The following ZNF132 variants were observed in gnomAD, a reference collection of about 807,000 sequenced individuals.
The protein encoded by ZNF132 is zinc finger protein 132, also known as zinc finger protein 132 (clone pHZ-12).
ZNF132 carries 6 observed loss-of-function variants against 9.3 expected under a neutral mutation model. That is an observed-to-expected ratio of 0.65 (90% confidence interval 0.35 to 1.28). The LOEUF is 1.28. ZNF132 is among the 50% of genes most tolerant of loss of function. The probability of loss-of-function intolerance (pLI) is 0.03; values close to 1 mark genes in which losing one functional copy is unlikely to be tolerated. For missense variants in ZNF132, 877 were observed against 843.2 expected (o/e 1.04, Z -0.50); for synonymous variants, 296 against 292.0 (o/e 1.01, Z -0.14).
rs781362335 is a variant in ZNF132 at position 58,433,478 on chromosome 19, C to G, written c.1966G>C (p.Glu656Gln). Residue 656 changes from glutamate (E) to glutamine (Q), a missense_variant, in exon 3 of 3, where the codon GAG becomes CAG. Glu to Gln is a conservative substitution (Grantham distance 29). Transcript: ENST00000254166. ...QRVHTQERPY[E>Q]CIQCGKAFSE... ...AAGGCTTTTCCACACTGGATGCACTCATAGGGCCTTTCTTGTGTGTGAACT... is the reference window on the plus strand; with the variant it reads ...AAGGCTTTTCCACACTGGATGCACTGATAGGGCCTTTCTTGTGTGTGAACT... 19 of 1,614,002 alleles carry G rather than the reference C, an allele frequency of 1.2e-5. No homozygotes were observed. Among genetic ancestry groups the G allele is most frequent in the Non-Finnish European group, 1.5e-5 (18 of 1,180,018 alleles).
At position 58,437,079 on chromosome 19, in the gene ZNF132, A is replaced by G; in HGVS notation, c.200T>C (p.Met67Thr). ...GGTCACAAGCTCAAGGTTTTCCAGC[A>G]TCACACTGTGGTACAGGTGCCTCTG... ...AAQRHLYHSV[M>T]LENLELVTSL... The change falls in exon 2 of 3, where the codon ATG becomes ACG. Residue 67 changes from methionine (M) to threonine (T), a missense_variant. By Grantham distance (81) the Met-to-Thr change is moderately conservative. Coordinates refer to ENST00000254166, the MANE Select transcript of ZNF132 (RefSeq NM_003433.4). 1 of 1,614,164 alleles carries G rather than the reference A, an allele frequency of 6.2e-7. No homozygotes were observed. Among genetic ancestry groups the G allele is most frequent in the Non-Finnish European group, 8.5e-7 (1 of 1,180,018 alleles).
Position 58,435,012 on chromosome 19 carries a change from A to C in ZNF132, c.432T>G (p.Cys144Trp). The part of the protein sequence containing the change: ...GTQSEEKPYT[C>W]GACGRDFWLN... ...ACCAAAAGTCTCTCCCACATGCTCC[A>C]CATGTGTAGGGTTTCTCCTCAGACT... Residue 144 changes from cysteine (C) to tryptophan (W), a missense_variant, in exon 3 of 3, where the codon TGT (cysteine) becomes TGG (tryptophan). By Grantham distance (215) the Cys-to-Trp change is radical. Coordinates refer to ENST00000254166, the MANE Select transcript of ZNF132 (RefSeq NM_003433.4). 1 of 1,614,166 alleles carries C rather than the reference A, an allele frequency of 6.2e-7. No individual in the cohort carries two copies. Among genetic ancestry groups the C allele is most frequent in the Non-Finnish European group, 8.5e-7 (1 of 1,180,024 alleles).
chr19:58,435,413 C>G (rs747162342), intron 2 of ZNF132: 3 of 582,154 alleles, frequency 5.2e-6, no homozygotes, highest in Non-Finnish European at 8.9e-6. Flanking sequence ...TAAGGGAGAC[C>G]TCACCAGGGG....
At position 58,439,930 on chromosome 19, in the gene ZNF132, C is replaced by T. The variant is rs1215371826; in HGVS notation, c.-109G>A. 2 of 1,168,152 alleles carry T rather than the reference C, an allele frequency of 1.7e-6. No individual in the cohort carries two copies. The highest frequency in any genetic ancestry group is 1.4e-5 in the South Asian group (1 of 69,782). The allele number at this position is 1,168,152 out of a possible 1,614,324, so 72.4% of individuals were successfully genotyped here. A position where few individuals can be genotyped will look rare whatever the true frequency, so the allele number is the denominator to read the frequency against. ...CCCAAATGCAAAATGCGCGCAAGGC[C>T]TCTGGGCACCGCAGGGACGAAGGCT... On this transcript the variant is annotated 5_prime_UTR_variant, in exon 1 of 3. Transcript: ENST00000254166.
chr19:58,433,500 A>C lies in ZNF132; in HGVS notation c.1944T>G (p.Val648=), dbSNP rs746609036. 1 of 1,614,072 alleles carries C rather than the reference A, an allele frequency of 6.2e-7. No individual in the cohort carries two copies. The highest frequency in any genetic ancestry group is 1.1e-5 in the South Asian group (1 of 91,078). ...ACTCATAGGGCCTTTCTTGTGTGTG[A>C]ACTCTCTGATGACGAACCAGGTGGG... ...SNSHLVRHQR[V]HTQERPYECI... The change falls in exon 3 of 3, where the codon GTT becomes GTG. Residue 648 remains valine, a synonymous_variant. Coordinates refer to ENST00000254166, the MANE Select transcript of ZNF132 (RefSeq NM_003433.4).
Position 58,433,804 on chromosome 19 carries a change from T to A in ZNF132, c.1640A>T (p.Glu547Val), listed in dbSNP as rs1203344855. The A allele has an allele frequency of 6.2e-7, 1 of 1,614,216 alleles. No homozygotes were observed. The highest frequency in any genetic ancestry group is 8.5e-7 in the Non-Finnish European group (1 of 1,180,030). Reference protein sequence around the residue: ...HTGEKPYECSECGKAFAHSST... With the variant: ...HTGEKPYECSVCGKAFAHSST... ...GCTGTGAGCAAAGGCTTTCCCACAC[T>A]CACTACACTCGTAAGGCTTTTCTCC... The change falls in exon 3 of 3, where the codon GAG (glutamate) becomes GTG (valine). Residue 547 changes from glutamate (E) to valine (V), a missense_variant. Physicochemically the swap from Glu to Val is moderately radical, Grantham distance 121 (BLOSUM62 -2). Coordinates refer to ENST00000254166, the MANE Select transcript of ZNF132 (RefSeq NM_003433.4).
chr19:58,439,678 CCAA>C, intron 1 of ZNF132, 78 bp downstream of exon 1: 1 of 1,417,640 alleles, frequency 7.1e-7, no homozygotes, highest in Non-Finnish European at 9.4e-7. Flanking sequence ...TCCCAGGACA[CCAA>C]CATCCCCTCT....
At position 58,435,122 on chromosome 19, in the gene ZNF132, G is replaced by T; in HGVS notation, c.322C>A (p.Pro108Thr). 6.2e-7 allele frequency: 1 copy of T among 1,614,120 alleles called. No individual in the cohort carries two copies. Among genetic ancestry groups the T allele is most frequent in the Non-Finnish European group, 8.5e-7 (1 of 1,180,028 alleles). Residue 108 changes from proline (P) to threonine (T), a missense_variant, in exon 3 of 3, where the codon CCT becomes ACT. Physicochemically the swap from Pro to Thr is conservative, Grantham distance 38. Transcript: ENST00000254166. ...CAGGAGTTAGCTTTCTTGGTGGAAG[G>T]ATCTGCATTAGGGATCCTGACCTGT... ...VLQVRIPNAD[P>T]STKKANSCDM...
At position 58,439,795 on chromosome 19, in the gene ZNF132, T is replaced by G; in HGVS notation, c.27A>C (p.Leu9=). The part of the protein sequence containing the change: MALPSPQV[L]MGLPALLMGP... ...CCATCAGCAACGCTGGCAACCCCAT[T>G]AGAACCTGTGGGCTGGGCAGGGCCA... Residue 9 remains leucine, a synonymous_variant, in exon 1 of 3, where the codon CTA becomes CTC. Transcript: ENST00000254166. 1.3e-6 allele frequency: 2 copies of G among 1,546,382 alleles called. No homozygotes were observed. Among genetic ancestry groups the G allele is most frequent in the Non-Finnish European group, 1.7e-6 (2 of 1,145,920 alleles).
chr19:58,438,802 G>A (rs1436122589), intron 1 of ZNF132, among the ~76,000 whole-genome samples: 6 of 144,042 alleles, frequency 4.2e-5, no homozygotes, highest in South Asian at 2.2e-4. Context: ...ACAGAGTCTC[G>A]CTCTGTCACT....
Position 58,433,507 on chromosome 19 carries a change from T to C in ZNF132, c.1937A>G (p.Gln646Arg), listed in dbSNP as rs770631463. Residue 646 changes from glutamine to arginine, a missense_variant, in exon 3 of 3, where the codon CAG becomes CGG. Physicochemically the swap from Gln to Arg is conservative, Grantham distance 43. Coordinates refer to ENST00000254166, the MANE Select transcript of ZNF132 (RefSeq NM_003433.4). ...GGGCCTTTCTTGTGTGTGAACTCTC[T>C]GATGACGAACCAGGTGGGAGTTACT... The part of the protein sequence containing the change: ...FSSNSHLVRH[Q>R]RVHTQERPYE... 31 of 1,613,992 alleles carry C rather than the reference T, an allele frequency of 1.9e-5. No homozygotes were observed. The Admixed American group carries it at 5.2e-4, about 27-fold the overall frequency.
rs558481863 is a variant in ZNF132 at position 58,434,573 on chromosome 19, G to C, written c.871C>G (p.His291Asp). 6.2e-7 allele frequency: 1 copy of C among 1,613,948 alleles called. No individual in the cohort carries two copies. Among genetic ancestry groups the C allele is most frequent in the Non-Finnish European group, 8.5e-7 (1 of 1,179,986 alleles). ...NKKFHTGEIP[H>D]VCKECGKAFS... ...GCCTTCCCACACTCCTTACACACAT[G>C]GGGTATTTCCCCAGTGTGAAACTTT... Residue 291 changes from histidine (H) to aspartate (D), a missense_variant, in exon 3 of 3, where the codon CAT becomes GAT. Transcript: ENST00000254166.
In ZNF132 at chr19:58,434,091, T is replaced by G; in HGVS notation, c.1353A>C (p.Lys451Asn). The change falls in exon 3 of 3, where the codon AAA (lysine) becomes AAC (asparagine). Residue 451 changes from lysine (K) to asparagine (N), a missense_variant. By Grantham distance (94) the Lys-to-Asn change is moderately conservative. Coordinates refer to ENST00000254166, the MANE Select transcript of ZNF132 (RefSeq NM_003433.4). ...NNNSNLAQHQ[K>N]VHTGERPFEC... The stretch of plus-strand genomic sequence containing the variant: ...CAAAAGGCCGTTCTCCGGTGTGAAC[T>G]TTCTGGTGCTGAGCAAGGTTGGAGT... The G allele has an allele frequency of 6.2e-7, 1 of 1,614,074 alleles. No individual in the cohort carries two copies. The highest frequency in any genetic ancestry group is 8.5e-7 in the Non-Finnish European group (1 of 1,180,008).
chr19:58,435,326 C>A (rs1185695272), intron 2 of ZNF132, 115 bp from the exon 3 acceptor site: 25 of 1,184,562 alleles, frequency 2.1e-5, no homozygotes, highest in Non-Finnish European at 2.9e-5. Context: ...GGATTGCTGA[C>A]AGGCCAACAG....
At chr19:58,438,454 C>G (rs2052784628) in intron 1 of ZNF132, among the ~76,000 whole-genome samples, 2 of 151,052 alleles carry the variant, frequency 1.3e-5, no homozygotes, top group South Asian at 4.2e-4. Flanking sequence ...ACTTCCACAT[C>G]TGAAAGATCT....
chr19:58,434,238 A>C lies in ZNF132; in HGVS notation c.1206T>G (p.Pro402=). ...RHQKVHTQVR[P]YECSQCGKSF... ...ATTTACCACATTGACTGCACTCATA[A>C]GGTCTTACCTGTGTGTGAACTTTCT... Residue 402 remains proline (P), a synonymous_variant, in exon 3 of 3, where the codon CCT becomes CCG. Coordinates refer to ENST00000254166, the MANE Select transcript of ZNF132 (RefSeq NM_003433.4). The C allele has an allele frequency of 6.2e-7, 1 of 1,614,088 alleles. No homozygotes were observed. Among genetic ancestry groups the C allele is most frequent in the Non-Finnish European group, 8.5e-7 (1 of 1,180,020 alleles).
rs1324409460 is a variant in ZNF132 at position 58,434,928 on chromosome 19, C to A, written c.516G>T (p.Trp172Cys). 6.2e-7 allele frequency: 1 copy of A among 1,613,976 alleles called. No homozygotes were observed. Among genetic ancestry groups the A allele is most frequent in the Admixed American group, 1.7e-5 (1 of 60,006 alleles). Reference sequence around the variant, plus strand: ...TCATAAGTGCGTCCCTGTCCTTGTACCATCTAAAGGGCTTCCCTCCACTGT... The same window carrying A: ...TCATAAGTGCGTCCCTGTCCTTGTAACATCTAAAGGGCTTCCCTCCACTGT... ...KEHSGGKPFRWYKDRDALMKS... is the reference protein window; with the variant it reads ...KEHSGGKPFRCYKDRDALMKS... The change falls in exon 3 of 3, where the codon TGG (tryptophan) becomes TGT (cysteine). Residue 172 changes from tryptophan (W) to cysteine (C), a missense_variant. Transcript: ENST00000254166.
chr19:58,438,071 TAAG>T (rs1361100779), intron 1 of ZNF132, among the ~76,000 whole-genome samples: 2 of 152,176 alleles, frequency 1.3e-5, no homozygotes, highest in Admixed American at 1.3e-4. Flanking sequence ...GGACCCTATT[TAAG>T]AAGAGATAAC....
At position 58,437,196 on chromosome 19, in the gene ZNF132, C is replaced by T. The variant is rs2052778375; in HGVS notation, c.83G>A (p.Gly28Asp). Residue 28 changes from glycine to aspartate, a missense_variant, in exon 2 of 3, where the codon GGC becomes GAC. Gly to Asp is a moderately conservative substitution (Grantham distance 94). Coordinates refer to ENST00000254166, the MANE Select transcript of ZNF132 (RefSeq NM_003433.4). ...GPAQHTSWPC[G>D]SAVPTLKSMV... The stretch of plus-strand genomic sequence containing the variant: ...GCTCTTCAATGTGGGGACAGCTGAG[C>T]CACAGGGCCAAGAAGTATGCTGACA... 6.2e-7 allele frequency: 1 copy of T among 1,606,086 alleles called. No individual in the cohort carries two copies. The highest frequency in any genetic ancestry group is 1.1e-5 in the South Asian group (1 of 89,712).
Sources: allele counts gnomAD v4.1 joint callset (sites outside exome capture counted in the v4.1 genomes callset), GRCh38; gene constraint gnomAD v4.1.1; transcripts MANE v1.5; gene names NCBI Gene and HGNC (gene_info 2026-07-23, HGNC 2026-07-21).